The following CRPPA variants were observed in gnomAD, a reference collection of about 807,000 sequenced individuals.
CRPPA encodes CDP-L-ribitol pyrophosphorylase A.
Under a neutral mutation model 52.0 loss-of-function variants are expected in CRPPA, and 43 were observed. The observed-to-expected ratio is 0.83, with a 90% CI of 0.65 to 1.07. CRPPA has a LOEUF of 1.07. CRPPA is among the 50% of genes least tolerant of loss of function. The pLI, the probability that CRPPA is intolerant of heterozygous loss-of-function variation, is 0.00. For synonymous variants in CRPPA, 250 were observed against 203.5 expected (o/e 1.23, Z -1.94); for missense variants, 629 against 551.7 (o/e 1.14, Z -1.40).
At chr7:16,260,425 A>G (rs1277747825) in intron 6 of CRPPA, among the ~76,000 whole-genome samples, 1 of 151,996 alleles carries the variant, frequency 6.6e-6, no homozygotes, top group Non-Finnish European at 1.5e-5. Flanking sequence ...AAAGAACTCT[A>G]CTGCCCAGCA....
chr7:16,346,009 C>T (rs537065188), intron 3 of CRPPA, among the ~76,000 whole-genome samples: 6 of 152,048 alleles, frequency 3.9e-5, no homozygotes, highest in African/African-American at 1.2e-4. Context: ...ATTTAGTAAA[C>T]GCCTGTAATA....
At chr7:16,403,943 T>C (rs116299792) in intron 2 of CRPPA, among the ~76,000 whole-genome samples, 2,094 of 152,298 alleles carry the variant, frequency 0.014, 61 homozygotes, top group African/African-American at 0.048. Context: ...ATTTTGTCTA[T>C]TGGAGTTTCA....
chr7:16,329,804 T>TCAAA (rs1785506808), intron 3 of CRPPA, among the ~76,000 whole-genome samples: 1 of 152,170 alleles, frequency 6.6e-6, no homozygotes. Flanking sequence ...TAGTTCTCTT[T>TCAAA]TGGCTGCAAT....
At position 16,089,292 on chromosome 7, in the gene CRPPA, G is replaced by A. The variant is rs544273008; in HGVS notation, c.*2403C>T. On this transcript the variant is annotated 3_prime_UTR_variant, in exon 10 of 10. Transcript: ENST00000407010. The stretch of plus-strand genomic sequence containing the variant: ...TATACATATATGTGTGTATGCGTAC[G>A]TATATACATATATGTGTGTATGCGT... 1.2e-3 allele frequency: 472 copies of A among 387,446 alleles called. 15 individuals carry two copies. Among genetic ancestry groups the A allele is most frequent in the South Asian group, 4.4e-3 (249 of 57,042 alleles). The allele number at this position is 387,446 out of a possible 1,614,324, so 24.0% of individuals were successfully genotyped here.
At chr7:16,403,314 C>A (rs1276842887) in intron 2 of CRPPA, among the ~76,000 whole-genome samples, 1 of 152,136 alleles carries the variant, frequency 6.6e-6, no homozygotes, top group Non-Finnish European at 1.5e-5. Flanking sequence ...CCTTGTGATG[C>A]TTTTGAGCTC....
At chr7:16,143,923 A>C (rs1454570144) in intron 9 of CRPPA, among the ~76,000 whole-genome samples, 2 of 152,184 alleles carry the variant, frequency 1.3e-5, no homozygotes, top group Non-Finnish European at 2.9e-5. Flanking sequence ...AATCCAGAAC[A>C]TTTGAAGGGG....
At chr7:16,171,043 G>C (rs918832227) in intron 9 of CRPPA, among the ~76,000 whole-genome samples, 1 of 152,230 alleles carries the variant, frequency 6.6e-6, no homozygotes, top group South Asian at 2.1e-4. Flanking sequence ...AGGCTGAAGG[G>C]CTCCTCAAGC....
At chr7:16,118,522 A>C (rs1782422606) in intron 9 of CRPPA, among the ~76,000 whole-genome samples, 1 of 152,194 alleles carries the variant, frequency 6.6e-6, no homozygotes. Flanking sequence ...AAAAGAAAGT[A>C]CAGAGGCACA....
At chr7:16,306,345 G>C (rs1329050728) in intron 4 of CRPPA, among the ~76,000 whole-genome samples, 1 of 152,224 alleles carries the variant, frequency 6.6e-6, no homozygotes, top group African/African-American at 2.4e-5. Flanking sequence ...GGCCAATCAG[G>C]TTAGCGTGCA....
intron 3 of CRPPA, among the ~76,000 whole-genome samples, chr7:16,335,985 T>C (rs1418362200): frequency 1.3e-5 from 2 of 152,038 alleles, no homozygotes; most frequent in Non-Finnish European, 2.9e-5. Flanking sequence ...GAAGAAAAAA[T>C]ACTGTCAAAC....
intron 2 of CRPPA, among the ~76,000 whole-genome samples, chr7:16,399,568 TTG>T (rs1364372546): frequency 6.6e-6 from 1 of 150,986 alleles, no homozygotes; most frequent in African/African-American, 2.4e-5. Flanking sequence ...CATGACACGT[TTG>T]TGACATGTGA....
chr7:16,272,741 TCA>T (rs1784117500), intron 6 of CRPPA, among the ~76,000 whole-genome samples: 1 of 152,164 alleles, frequency 6.6e-6, no homozygotes, highest in African/African-American at 2.4e-5. Context: ...CTTAAAAATC[TCA>T]GTCTTTTATC....
At chr7:16,216,218 T>TA in intron 8 of CRPPA, 21 bp from the exon 9 acceptor site, 1 of 1,472,668 alleles carries the variant, frequency 6.8e-7, no homozygotes, top group Non-Finnish European at 9.3e-7. Flanking sequence ...TAAAAGACAG[T>TA]ATTTAGAATA....
intron 2 of CRPPA, among the ~76,000 whole-genome samples, chr7:16,398,113 G>A (rs1397228740): frequency 1.3e-5 from 2 of 151,922 alleles, no homozygotes; most frequent in African/African-American, 2.4e-5. Flanking sequence ...TGACTGACAG[G>A]TGATTGACAT....
intron 9 of CRPPA, among the ~76,000 whole-genome samples, chr7:16,096,760 T>A (rs1781942579): frequency 6.6e-6 from 1 of 152,122 alleles, no homozygotes; most frequent in African/African-American, 2.4e-5. Context: ...CTCTTTTTCT[T>A]GGTTACAACT....
intron 9 of CRPPA, 73 bp from the exon 10 acceptor site, chr7:16,091,872 C>T: frequency 2.3e-6 from 2 of 865,862 alleles, no homozygotes; most frequent in Non-Finnish European, 3.4e-6. Flanking sequence ...TAAAAAGCCA[C>T]TTTTCAAGAT....
chr7:16,180,696 C>T (rs1178458136), intron 9 of CRPPA, among the ~76,000 whole-genome samples: 2 of 151,854 alleles, frequency 1.3e-5, no homozygotes, highest in Admixed American at 6.6e-5. Flanking sequence ...TTACAGTCAG[C>T]TTTTTGTCAA....
chr7:16,244,944 AT>A (rs1202416103), intron 8 of CRPPA, among the ~76,000 whole-genome samples: 3 of 152,090 alleles, frequency 2.0e-5, no homozygotes, highest in Admixed American at 2.0e-4. Flanking sequence ...TTTGTAATAT[AT>A]TTTCTGATGA....
intron 8 of CRPPA, among the ~76,000 whole-genome samples, chr7:16,238,660 A>T (rs1338892483): frequency 6.6e-6 from 1 of 152,216 alleles, no homozygotes; most frequent in Admixed American, 6.5e-5. Context: ...TGTGATAAGA[A>T]TTAACATAGA....
Sources: allele counts gnomAD v4.1 joint callset (sites outside exome capture counted in the v4.1 genomes callset), GRCh38; gene constraint gnomAD v4.1.1; transcripts MANE v1.5; gene names NCBI Gene and HGNC (gene_info 2026-07-23, HGNC 2026-07-21).